The following ATPAF1 variants were observed in gnomAD, a reference collection of about 807,000 sequenced individuals.
ATPAF1 encodes homolog of yeast ATP11.
In ATPAF1, 26 loss-of-function variants were observed where a neutral mutation model predicts 43.9. The observed-to-expected ratio is 0.59, with a 90% CI of 0.43 to 0.82. The LOEUF (loss-of-function observed/expected upper bound fraction) is 0.82. Among genes scored for constraint, ATPAF1 ranks in the 40% least tolerant of loss-of-function variants. The pLI is 0.00. For missense variants in ATPAF1, 366 were observed against 435.0 expected, an observed-to-expected ratio of 0.84 and a Z score of 1.41; for synonymous variants, 157 against 168.0, an observed-to-expected ratio of 0.93 and a Z score of 0.50.
At chr1:46,663,468 T>C (rs1402274199) in intron 2 of ATPAF1, among the ~76,000 whole-genome samples, 6 of 152,210 alleles carry the variant, frequency 3.9e-5, no homozygotes, top group Admixed American at 3.3e-4. Flanking sequence ...TTTTAATGAT[T>C]GCCATTCTAA....
chr1:46,654,997 GT>G (rs2148822474), intron 4 of ATPAF1, among the ~76,000 whole-genome samples: 1 of 152,226 alleles, frequency 6.6e-6, no homozygotes, highest in Non-Finnish European at 1.5e-5. Context: ...CTGGGAAGGC[GT>G]TAAGAATCTT....
chr1:46,649,863 C>T (rs1310205705), intron 6 of ATPAF1, among the ~76,000 whole-genome samples: 1 of 151,780 alleles, frequency 6.6e-6, no homozygotes, highest in African/African-American at 2.4e-5. Context: ...GAGATTGAGG[C>T]TGCAGTAAGC....
intron 8 of ATPAF1, among the ~76,000 whole-genome samples, chr1:46,641,766 A>G (rs113492937): frequency 2.2e-4 from 34 of 152,076 alleles, no homozygotes; most frequent in African/African-American, 7.0e-4. Flanking sequence ...CTTTTACCTC[A>G]TGGCCATTCC....
chr1:46,643,161 T>C, intron 8 of ATPAF1, 33 bp downstream of exon 8: 1 of 1,563,094 alleles, frequency 6.4e-7, no homozygotes, highest in Non-Finnish European at 8.8e-7. Context: ...TGCCATGAGG[T>C]AAATCCAAAG....
intron 6 of ATPAF1, among the ~76,000 whole-genome samples, chr1:46,648,250 T>C (rs1676079731): frequency 6.6e-6 from 1 of 152,182 alleles, no homozygotes; most frequent in South Asian, 2.1e-4. Context: ...TAGCTGAGAT[T>C]ACAGGCACAC....
downstream of ATPAF1, chr1:46,633,080 TATTAAC>T (rs1675778428): frequency 6.5e-6 from 1 of 152,718 alleles, no homozygotes; most frequent in Non-Finnish European, 1.5e-5. Flanking sequence ...TTGGAGCACA[TATTAAC>T]AAGTAGATTC....
chr1:46,665,630 G>GTC (rs755536169), intron 1 of ATPAF1: 16 of 1,522,120 alleles, frequency 1.1e-5, no homozygotes, highest in Non-Finnish European at 1.4e-5. Context: ...ACAGGGCTTA[G>GTC]TCTCTCAGGT....
intron 1 of ATPAF1, among the ~76,000 whole-genome samples, chr1:46,667,149 T>G (rs1373539111): frequency 6.6e-6 from 1 of 152,106 alleles, no homozygotes; most frequent in Admixed American, 6.5e-5. Flanking sequence ...TGGGGTAAAG[T>G]AGTCCAGGAA....
intron 5 of ATPAF1, among the ~76,000 whole-genome samples, chr1:46,652,955 T>A (rs1237530735): frequency 4.6e-5 from 7 of 152,096 alleles, no homozygotes; most frequent in Non-Finnish European, 7.4e-5. Flanking sequence ...ATCAGAGATC[T>A]AAAACATCAC....
upstream of ATPAF1, chr1:46,668,483 A>G (rs963704239): frequency 2.4e-5 from 13 of 532,316 alleles, no homozygotes; most frequent in Non-Finnish European, 3.1e-5. This position sits in a 1 kb window ranked among gnomAD's most constrained non-coding sequence, Gnocchi z 4.4. Context: ...CGGGGCGGGG[A>G]GGAGGGGGCG....
intron 6 of ATPAF1, among the ~76,000 whole-genome samples, chr1:46,647,385 A>G (rs1225915879): frequency 2.6e-5 from 4 of 151,874 alleles, no homozygotes; most frequent in Admixed American, 6.6e-5. Flanking sequence ...CAGCTCCTTC[A>G]CCATTTGGGG....
intron 4 of ATPAF1, among the ~76,000 whole-genome samples, chr1:46,657,474 C>A (rs1405155416): frequency 6.6e-6 from 1 of 152,076 alleles, no homozygotes; most frequent in Non-Finnish European, 1.5e-5. Context: ...ACATTTGTGA[C>A]CAGGTTCCTA....
intron 6 of ATPAF1, among the ~76,000 whole-genome samples, chr1:46,649,213 T>A (rs1676117673): frequency 6.6e-6 from 1 of 152,090 alleles, no homozygotes; most frequent in African/African-American, 2.4e-5. Flanking sequence ...TTAATTTTTG[T>A]ATACACTGTG....
At chr1:46,666,003 C>T (rs183211205) in intron 1 of ATPAF1, 20 of 405,506 alleles carry the variant, frequency 4.9e-5, no homozygotes, top group Non-Finnish European at 7.7e-5. Context: ...GACTGTGTAG[C>T]TAACCATGGG....
chr1:46,639,243 C>G (rs1406994684), intron 8 of ATPAF1, among the ~76,000 whole-genome samples: 2 of 151,756 alleles, frequency 1.3e-5, no homozygotes, highest in African/African-American at 2.4e-5. Flanking sequence ...CATACACACA[C>G]ACACACACAA....
chr1:46,639,403 A>G (rs933076379), intron 8 of ATPAF1, among the ~76,000 whole-genome samples: 3 of 152,172 alleles, frequency 2.0e-5, no homozygotes, highest in African/African-American at 7.2e-5. Context: ...TCTCCAGGAA[A>G]TATTACTCCC....
intron 2 of ATPAF1, among the ~76,000 whole-genome samples, chr1:46,662,186 GC>G (rs1160475174): frequency 6.6e-6 from 1 of 152,092 alleles, no homozygotes; most frequent in Non-Finnish European, 1.5e-5. Context: ...GAGCCACCAC[GC>G]CCGGCCTCAT....
intron 4 of ATPAF1, among the ~76,000 whole-genome samples, chr1:46,656,294 G>T (rs540858326): frequency 1.3e-5 from 2 of 152,308 alleles, no homozygotes; most frequent in African/African-American, 4.8e-5. Flanking sequence ...GGTGACACCA[G>T]AGTGAGCTAG....
At chr1:46,660,188 G>A (rs1319688896) in intron 2 of ATPAF1, among the ~76,000 whole-genome samples, 4 of 152,098 alleles carry the variant, frequency 2.6e-5, no homozygotes, top group African/African-American at 7.2e-5. Flanking sequence ...ATGTTGGCCA[G>A]GCTGGTCTTG....
Sources: allele counts gnomAD v4.1 joint callset (sites outside exome capture counted in the v4.1 genomes callset), GRCh38; gene constraint gnomAD v4.1.1; non-coding constraint Gnocchi (gnomAD v3.1); transcripts MANE v1.5; gene names NCBI Gene and HGNC (gene_info 2026-07-23, HGNC 2026-07-21).